GFRA1: variants seen among roughly 807,000 people sequenced by gnomAD.
The protein encoded by GFRA1 is GDNF family receptor alpha-1.
In GFRA1, 16 loss-of-function variants were observed where a neutral mutation model predicts 51.6. The observed-to-expected ratio is 0.31, with a 90% confidence interval of 0.21 to 0.47. The LOEUF (loss-of-function observed/expected upper bound fraction) is 0.47. Ranked by LOEUF, GFRA1 falls within the 20% of genes least tolerant of loss-of-function variation. The pLI is 1.00. For missense variants in GFRA1, 530 were observed against 594.3 expected, an observed-to-expected ratio of 0.89 and a Z score of 1.13; for synonymous variants, 270 against 241.3, an observed-to-expected ratio of 1.12 and a Z score of -1.10.
In GFRA1 at chr10:116,063,636, G is replaced by C. The variant is rs1225672413; in HGVS notation, c.*762C>G. ...ATATTGGACTTTTGTTAGGTAAAGG[G>C]CTTCTCACTCAGGTAAGGCTTAGGA... On this transcript the variant is annotated 3_prime_UTR_variant, in exon 11 of 11. Coordinates refer to ENST00000355422, the MANE Select transcript of GFRA1 (RefSeq NM_005264.8). 1 of 152,202 alleles carries C rather than the reference G, an allele frequency of 6.6e-6. No homozygotes were observed. Among genetic ancestry groups the C allele is most frequent in the Non-Finnish European group, 1.5e-5 (1 of 68,060 alleles). 9.4% of individuals were successfully genotyped at this position (152,202 alleles called of 1,614,324 possible). A position where few individuals can be genotyped will look rare whatever the true frequency, so the allele number is the denominator to read the frequency against.
intron 9 of GFRA1, among the ~76,000 whole-genome samples, chr10:116,076,638 G>A (rs1164293847): frequency 1.3e-5 from 2 of 152,164 alleles, no homozygotes; most frequent in African/African-American, 4.8e-5. Flanking sequence ...CCTCAGAGGG[G>A]AAACAGCCCA....
At chr10:116,176,726 C>CCTTCCTTCCTTCCT (rs1565629421) in intron 5 of GFRA1, among the ~76,000 whole-genome samples, 8 of 130,528 alleles carry the variant, frequency 6.1e-5, no homozygotes, top group African/African-American at 2.3e-4. Flanking sequence ...CCCTCCCTCC[C>CCTTCCTTCCTTCCT]TCCTTCCTTC....
At chr10:116,129,694 A>G (rs1466022057) in intron 5 of GFRA1, among the ~76,000 whole-genome samples, 2 of 152,128 alleles carry the variant, frequency 1.3e-5, no homozygotes, top group East Asian at 3.8e-4. Flanking sequence ...ATAATAAGTG[A>G]GTTTAGCAAA....
chr10:116,146,123 C>A (rs919116012), intron 5 of GFRA1, among the ~76,000 whole-genome samples: 2 of 151,668 alleles, frequency 1.3e-5, no homozygotes, highest in African/African-American at 4.8e-5. Flanking sequence ...ATAATTTTAT[C>A]TTTTTCATAC....
rs145634320 is a variant in GFRA1, at chr10:116,070,354, C to T, written c.1198-4728G>A. ...AATACCCGTTTATTAGCATACAAGT[C>T]TCTTCTGCAGCACAAACTGGACCTT... On this transcript the variant is annotated intron_variant, in intron 9 of 10. Transcript: ENST00000355422. Among the ~76,000 whole-genome samples, 5 of 152,348 alleles carry T rather than the reference C, an allele frequency of 3.3e-5. No homozygotes were observed. The East Asian group carries it at 9.6e-4, about 29-fold the overall frequency.
intron 5 of GFRA1, among the ~76,000 whole-genome samples, chr10:116,153,309 A>G (rs1260711803): frequency 6.6e-6 from 1 of 152,210 alleles, no homozygotes. Context: ...TTACCATTTC[A>G]CCATCCTTCC....
chr10:116,076,028 C>T (rs1037070930), intron 9 of GFRA1, among the ~76,000 whole-genome samples: 1 of 152,036 alleles, frequency 6.6e-6, no homozygotes, highest in Non-Finnish European at 1.5e-5. Flanking sequence ...ACAGGCGTGA[C>T]CACCGTGCCC....
At chr10:116,229,149 C>T (rs1251724844) in intron 4 of GFRA1, among the ~76,000 whole-genome samples, 4 of 152,138 alleles carry the variant, frequency 2.6e-5, no homozygotes, top group Non-Finnish European at 4.4e-5. Flanking sequence ...CAGAACTATA[C>T]ACTAATAAAT....
At chr10:116,255,832 G>T (rs547392809) in intron 4 of GFRA1, 1 of 997,468 alleles carries the variant, frequency 1.0e-6, no homozygotes, top group Non-Finnish European at 1.4e-6. Flanking sequence ...AAAAACCTGA[G>T]TTACTGCTTA....
intron 6 of GFRA1, among the ~76,000 whole-genome samples, chr10:116,108,728 C>T (rs1565580945): frequency 6.6e-6 from 1 of 152,186 alleles, no homozygotes; most frequent in Non-Finnish European, 1.5e-5. Context: ...CTCTGCGCCC[C>T]GAGCAGGGTG....
chr10:116,210,058 AT>A (rs1655934309), intron 5 of GFRA1, among the ~76,000 whole-genome samples: 1 of 152,182 alleles, frequency 6.6e-6, no homozygotes, highest in South Asian at 2.1e-4. Context: ...TTTGTAGATG[AT>A]TATAACTTTT....
intron 5 of GFRA1, among the ~76,000 whole-genome samples, chr10:116,178,117 T>C (rs1306991144): frequency 6.6e-6 from 1 of 152,238 alleles, no homozygotes; most frequent in Non-Finnish European, 1.5e-5. Flanking sequence ...CAGTTCTGCC[T>C]GTCGTGTTCC....
intron 4 of GFRA1, among the ~76,000 whole-genome samples, chr10:116,222,008 C>A (rs2134502779): frequency 6.6e-6 from 1 of 152,074 alleles, no homozygotes; most frequent in African/African-American, 2.4e-5. Flanking sequence ...GAGAACAATA[C>A]AATACAAGGA....
chr10:116,239,755 TTCATCAAAA>T (rs1374553575), intron 4 of GFRA1, among the ~76,000 whole-genome samples: 2 of 152,220 alleles, frequency 1.3e-5, no homozygotes, highest in East Asian at 3.8e-4. Flanking sequence ...GCTGCTGATC[TTCATCAAAA>T]GATAATTTAT....
chr10:116,159,110 C>CT lies in GFRA1; in HGVS notation c.434-33554dup, dbSNP rs1565617353. Reference sequence around the variant, plus strand: ...CTATATTCAACTATGGACAATCCAACTGAGAACCAAAATCAATGAGTAGGG... The same window carrying CT: ...CTATATTCAACTATGGACAATCCAACTTGAGAACCAAAATCAATGAGTAGGG... On this transcript the variant is annotated intron_variant, in intron 5 of 10. Coordinates refer to ENST00000355422, the MANE Select transcript of GFRA1 (RefSeq NM_005264.8). Among the ~76,000 whole-genome samples the CT allele has an allele frequency of 3.3e-5, 5 of 152,314 alleles. No individual in the cohort carries two copies. In the South Asian group the frequency reaches 1.0e-3, roughly 32 times the overall value.
At chr10:116,127,441 T>C (rs1957925630) in intron 5 of GFRA1, among the ~76,000 whole-genome samples, 1 of 152,220 alleles carries the variant, frequency 6.6e-6, no homozygotes, top group Non-Finnish European at 1.5e-5. Context: ...AGTCATATTT[T>C]ATTGTGCTCT....
intron 9 of GFRA1, among the ~76,000 whole-genome samples, chr10:116,085,755 C>A (rs1464125808): frequency 1.3e-5 from 2 of 152,190 alleles, no homozygotes; most frequent in Non-Finnish European, 2.9e-5. Flanking sequence ...CCTAGAAAAT[C>A]AGCAAGCTGC....
At chr10:116,096,790 G>C in intron 6 of GFRA1, 26 bp from the exon 7 acceptor site, 2 of 1,282,262 alleles carry the variant, frequency 1.6e-6, no homozygotes, top group East Asian at 2.3e-5. Context: ...AGGGGTGGGG[G>C]GTGGAAATGT....
At chr10:116,173,771 T>C (rs931500677) in intron 5 of GFRA1, among the ~76,000 whole-genome samples, 4 of 152,076 alleles carry the variant, frequency 2.6e-5, no homozygotes, top group African/African-American at 9.7e-5. Context: ...CAGGTTTTTT[T>C]TCCCCGGTTA....
Sources: gnomAD v4.1 joint callset for allele counts (sites outside exome capture counted in the v4.1 genomes callset) on GRCh38, gnomAD v4.1.1 for gene constraint, MANE v1.5 for transcripts, NCBI Gene and HGNC (gene_info 2026-07-23, HGNC 2026-07-21) for gene names.